Variants in CDCA2 observed in about 807,000 individuals in gnomAD.
The protein encoded by CDCA2 is cell division cycle-associated protein 2.
Under a neutral mutation model 67.0 loss-of-function variants are expected in CDCA2, and 44 were observed. The observed-to-expected ratio is 0.66, with a 90% CI of 0.52 to 0.84. CDCA2 has a LOEUF of 0.84. Ranked by LOEUF, CDCA2 falls within the 40% of genes least tolerant of loss-of-function variation. The pLI, the probability that CDCA2 is intolerant of heterozygous loss-of-function variation, is 0.00. For missense variants in CDCA2, 1,253 were observed against 1,203.2 expected (o/e 1.04, Z -0.61); for synonymous variants, 447 against 418.7 (o/e 1.07, Z -0.82).
intron 10 of CDCA2, among the ~76,000 whole-genome samples, chr8:25,484,728 A>T (rs1001794337): frequency 1.3e-5 from 2 of 151,800 alleles, no homozygotes; most frequent in Admixed American, 6.6e-5. Flanking sequence ...TAGCCTCCCG[A>T]GTAGCTGGGA....
rs1006353040 is a variant in CDCA2 at position 25,478,888 on chromosome 8, G to GTGTATATATATATATATATA, written c.821-1024_821-1023insGTATATATATATATATATAT. ...TATATTAACTACTTGTTGTGTGTGT[G>GTGTATATATATATATATATA]TATATATATATATATATATATATAT... On this transcript the variant is annotated intron_variant, in intron 7 of 14. Coordinates refer to ENST00000330560, the MANE Select transcript of CDCA2 (RefSeq NM_152562.4). 1.9e-3 allele frequency among the ~76,000 whole-genome samples: 209 copies of GTGTATATATATATATATATA among 111,490 alleles called. 1 individual carries two copies. The highest frequency in any genetic ancestry group is 7.8e-3 in the African/African-American group (195 of 25,080). The allele number at this position is 111,490 out of a possible 152,430, so 73.1% of individuals were successfully genotyped here. A position where few individuals can be genotyped will look rare whatever the true frequency, so the allele number is the denominator to read the frequency against.
At chr8:25,484,716 C>G (rs1803702622) in intron 10 of CDCA2, among the ~76,000 whole-genome samples, 1 of 151,680 alleles carries the variant, frequency 6.6e-6, no homozygotes, top group South Asian at 2.1e-4. Flanking sequence ...ATCCTCCCGT[C>G]TTAGCCTCCC....
chr8:25,484,226 G>A lies in CDCA2; in HGVS notation c.1365+16G>A, dbSNP rs372516368. The A allele has an allele frequency of 6.8e-6, 11 of 1,611,070 alleles. No homozygotes were observed. The highest frequency in any genetic ancestry group is 7.6e-6 in the Non-Finnish European group (9 of 1,177,668). Reference sequence around the variant, plus strand: ...GGAGAATCTTGTAAGTATGAAAAGCGTGGAACAAGCTTGCCATATGTATTT... The same window carrying A: ...GGAGAATCTTGTAAGTATGAAAAGCATGGAACAAGCTTGCCATATGTATTT... On this transcript the variant is annotated intron_variant, in intron 10 of 14. Coordinates refer to ENST00000330560, the MANE Select transcript of CDCA2 (RefSeq NM_152562.4).
intron 5 of CDCA2, among the ~76,000 whole-genome samples, chr8:25,467,835 A>G (rs1802975842): frequency 6.6e-6 from 1 of 152,092 alleles, no homozygotes; most frequent in South Asian, 2.1e-4. Flanking sequence ...ACGATGCACA[A>G]TAGCCGGGCG....
At position 25,506,503 on chromosome 8, in the gene CDCA2, C is replaced by A; in HGVS notation, c.1844-7C>A. 1.3e-6 allele frequency: 2 copies of A among 1,548,104 alleles called. No individual in the cohort carries two copies. The highest frequency in any genetic ancestry group is 2.2e-5 in the Admixed American group (1 of 45,916). On this transcript the variant is annotated splice_polypyrimidine_tract_variant and splice_region_variant and intron_variant, in intron 14 of 14. Transcript: ENST00000330560. ...AATTAGATTTAAACCTATTTACATGCCCATAGGTTATTTCAGTTCAAATGG... is the reference window on the plus strand; with the variant it reads ...AATTAGATTTAAACCTATTTACATGACCATAGGTTATTTCAGTTCAAATGG...
chr8:25,468,731 G>A (rs893184183), intron 6 of CDCA2, among the ~76,000 whole-genome samples: 3 of 152,180 alleles, frequency 2.0e-5, no homozygotes, highest in African/African-American at 7.2e-5. Flanking sequence ...AAGAAGGGAG[G>A]AAGTTACAGT....
At chr8:25,481,667 G>C (rs1803577401) in intron 8 of CDCA2, among the ~76,000 whole-genome samples, 1 of 152,040 alleles carries the variant, frequency 6.6e-6, no homozygotes, top group African/African-American at 2.4e-5. Flanking sequence ...TCCAGCCTGG[G>C]CAACAGAGCG....
At chr8:25,463,617 G>A (rs1802787419) in intron 4 of CDCA2, among the ~76,000 whole-genome samples, 1 of 151,660 alleles carries the variant, frequency 6.6e-6, no homozygotes, top group Non-Finnish European at 1.5e-5. Flanking sequence ...AAAAAAAAAG[G>A]ACCTTAATGT....
chr8:25,483,568 A>G (rs1017640286), intron 9 of CDCA2, 82 bp downstream of exon 9: 8 of 904,444 alleles, frequency 8.8e-6, no homozygotes, highest in South Asian at 1.6e-5. Flanking sequence ...GAAATTTTCA[A>G]TGATCTATAA....
intron 7 of CDCA2, among the ~76,000 whole-genome samples, chr8:25,478,952 G>C (rs898497431): frequency 6.8e-6 from 1 of 147,018 alleles, no homozygotes; most frequent in Non-Finnish European, 1.5e-5. Context: ...TTGCTATCTA[G>C]TTGTAAGAAA....
intron 1 of CDCA2, among the ~76,000 whole-genome samples, 177 bp from the exon 2 acceptor site, chr8:25,460,063 C>G (rs1201206291): frequency 6.6e-6 from 1 of 152,090 alleles, no homozygotes; most frequent in African/African-American, 2.4e-5. Flanking sequence ...TCATGTACCC[C>G]ATAAATTATA....
chr8:25,481,025 T>TA (rs2117511128), intron 8 of CDCA2, among the ~76,000 whole-genome samples: 1 of 152,314 alleles, frequency 6.6e-6, no homozygotes, highest in Non-Finnish European at 1.5e-5. Flanking sequence ...ACAAGCCTGT[T>TA]CTGATTTGTT....
rs201999374 is a variant in CDCA2, at chr8:25,466,356, T to G, written c.538+31T>G. The G allele has an allele frequency of 1.1e-3, 1,632 of 1,536,454 alleles. 17 individuals carry two copies. The highest frequency in any genetic ancestry group is 2.5e-3 in the South Asian group (198 of 78,814). ...TAGAAATAATTCGTTCAGTTTTGAC[T>G]TCAATATTTATAAAGACAAGCTTCT... is the stretch of plus-strand genomic sequence containing the variant. On this transcript the variant is annotated intron_variant, in intron 5 of 14. Coordinates refer to ENST00000330560, the MANE Select transcript of CDCA2 (RefSeq NM_152562.4).
At chr8:25,481,457 G>A (rs1035059074) in intron 8 of CDCA2, among the ~76,000 whole-genome samples, 1 of 152,168 alleles carries the variant, frequency 6.6e-6, no homozygotes, top group Non-Finnish European at 1.5e-5. Context: ...TTGGGAGGCC[G>A]AGGCAGGTGG....
At chr8:25,472,572 C>T (rs1294756132) in intron 7 of CDCA2, among the ~76,000 whole-genome samples, 1 of 152,156 alleles carries the variant, frequency 6.6e-6, no homozygotes, top group East Asian at 1.9e-4. Context: ...TTAATCCACA[C>T]ACTTTCACAC....
intron 13 of CDCA2, among the ~76,000 whole-genome samples, chr8:25,499,435 G>C (rs73550859): frequency 3.2e-4 from 48 of 150,872 alleles, no homozygotes; most frequent in African/African-American, 1.1e-3. Flanking sequence ...TTCCCTAGTA[G>C]CTGGGAGTAC....
intron 13 of CDCA2, among the ~76,000 whole-genome samples, chr8:25,494,442 A>T (rs1804130393): frequency 1.3e-5 from 2 of 152,228 alleles, no homozygotes. Flanking sequence ...AGATGCTTTA[A>T]AGCATAGTTA....
At chr8:25,468,977 A>G (rs571570701) in intron 6 of CDCA2, among the ~76,000 whole-genome samples, 2 of 152,308 alleles carry the variant, frequency 1.3e-5, no homozygotes, top group African/African-American at 4.8e-5. Context: ...GCTTATAACT[A>G]CCTAAACCCT....
chr8:25,481,162 G>A (rs998741436), intron 8 of CDCA2, among the ~76,000 whole-genome samples: 3 of 146,894 alleles, frequency 2.0e-5, no homozygotes, highest in Admixed American at 7.0e-5. Context: ...GCTCACACCT[G>A]TAATCCCCTG....
Sources: gnomAD v4.1 joint callset for allele counts (sites outside exome capture counted in the v4.1 genomes callset) on GRCh38, gnomAD v4.1.1 for gene constraint, MANE v1.5 for transcripts, NCBI Gene and HGNC (gene_info 2026-07-23, HGNC 2026-07-21) for gene names.